The following ZKSCAN2 variants were observed in gnomAD, a reference collection of about 807,000 sequenced individuals.
The protein encoded by ZKSCAN2 is zinc finger protein with KRAB and SCAN domains 2.
In ZKSCAN2, 38 loss-of-function variants were observed where a neutral mutation model predicts 90.5. That is an observed-to-expected ratio of 0.42 (90% CI 0.32 to 0.55). The LOEUF is 0.55. Ranked by LOEUF, ZKSCAN2 falls within the 20% of genes least tolerant of loss-of-function variation. The probability of loss-of-function intolerance (pLI) is 0.11; values close to 1 mark genes in which losing one functional copy is unlikely to be tolerated. For missense variants in ZKSCAN2, 1,167 were observed against 1,202.6 expected (o/e 0.97, Z 0.44); for synonymous variants, 429 against 421.6 (o/e 1.02, Z -0.22).
chr16:25,256,958 G>C lies in ZKSCAN2; in HGVS notation c.170C>G (p.Thr57Ser). The C allele has an allele frequency of 6.2e-7, 1 of 1,614,262 alleles. No individual in the cohort carries two copies. Among genetic ancestry groups the C allele is most frequent in the Non-Finnish European group, 8.5e-7 (1 of 1,180,044 alleles). ...CFRQFCYEDV[T>S]GPHEAFSKLW... ...TTTACTGAAAGCTTCATGGGGTCCA[G>C]TCACATCCTCATAACAGAATTGCCT... Residue 57 changes from threonine to serine, a missense_variant, in exon 1 of 7, where the codon ACT becomes AGT. By Grantham distance (58) the Thr-to-Ser change is moderately conservative. Transcript: ENST00000328086.
chr16:25,255,440 T>C (rs971201464), intron 1 of ZKSCAN2, 48 bp from the exon 2 acceptor site: 34 of 1,557,176 alleles, frequency 2.2e-5, no homozygotes, highest in Middle Eastern at 2.3e-4. Context: ...CAGGCCCATA[T>C]CAGGGCGAAA....
intron 4 of ZKSCAN2, 66 bp from the exon 5 acceptor site, chr16:25,247,456 C>G: frequency 7.2e-7 from 1 of 1,394,156 alleles, no homozygotes; most frequent in Middle Eastern, 2.2e-4. Flanking sequence ...CAATCTTCTG[C>G]TGTCACATGC....
At position 25,255,207 on chromosome 16, in the gene ZKSCAN2, A is replaced by T; in HGVS notation, c.585T>A (p.Asn195Lys). ...CGTGCTCCGAGTCTTCCCTCTTACC[A>T]TTCTTGGGTAAGGGCCGACGTTCTC... is the stretch of plus-strand genomic sequence containing the variant. ...RKRERRPLPK[N>K]ARPSPWVPAL... The change falls in exon 2 of 7, where the codon AAT becomes AAA. Residue 195 changes from asparagine (N) to lysine (K), a missense_variant and splice_region_variant. Physicochemically the swap from Asn to Lys is moderately conservative, Grantham distance 94. Coordinates refer to ENST00000328086, the MANE Select transcript of ZKSCAN2 (RefSeq NM_001012981.5). 3 of 1,599,824 alleles carry T rather than the reference A, an allele frequency of 1.9e-6. No homozygotes were observed. The highest frequency in any genetic ancestry group is 2.6e-6 in the Non-Finnish European group (3 of 1,175,536).
At chr16:25,249,842 A>G (rs1270427000) in intron 4 of ZKSCAN2, among the ~76,000 whole-genome samples, 3 of 152,234 alleles carry the variant, frequency 2.0e-5, no homozygotes, top group Admixed American at 1.3e-4. Context: ...CACTTATGGT[A>G]CATATCCCAA....
intron 2 of ZKSCAN2, among the ~76,000 whole-genome samples, chr16:25,253,698 C>T (rs1423079582): frequency 6.6e-6 from 1 of 152,208 alleles, no homozygotes; most frequent in Non-Finnish European, 1.5e-5. Flanking sequence ...CACAAATAGC[C>T]TTGCTATTTC....
intron 6 of ZKSCAN2, 21 bp from the exon 7 acceptor site, chr16:25,240,759 A>T: frequency 6.3e-7 from 1 of 1,597,272 alleles, no homozygotes; most frequent in Non-Finnish European, 8.6e-7. Flanking sequence ...GAAAGACAAT[A>T]CAAATTTTAT....
In ZKSCAN2 at chr16:25,240,593, G is replaced by A. The variant is rs368835115; in HGVS notation, c.2127C>T (p.Ile709=). The A allele has an allele frequency of 2.5e-6, 4 of 1,614,050 alleles. No individual in the cohort carries two copies. The highest frequency in any genetic ancestry group is 2.7e-5 in the African/African-American group (2 of 74,910). ...GAAGATTTTCCCATTGTCTTCCTGA[G>A]ATGCATTCCCTTTTGCGATATTTGC... The part of the protein sequence containing the change: ...DPSKYRKREC[I]SGRQWENLQG... Residue 709 remains isoleucine, a synonymous_variant, in exon 7 of 7, where the codon ATC becomes ATT. Coordinates refer to ENST00000328086, the MANE Select transcript of ZKSCAN2 (RefSeq NM_001012981.5).
chr16:25,254,957 C>A (rs185486491), intron 2 of ZKSCAN2, among the ~76,000 whole-genome samples: 1,840 of 148,964 alleles, frequency 0.012, 43 homozygotes, highest in African/African-American at 0.042. Flanking sequence ...ACACACCTGG[C>A]TAATATTTTT....
intron 2 of ZKSCAN2, 137 bp from the exon 3 acceptor site, chr16:25,253,174 ATCCCC>A: frequency 1.4e-6 from 1 of 719,360 alleles, no homozygotes; most frequent in Non-Finnish European, 2.4e-6. Context: ...GTTCAGAACA[ATCCCC>A]AAAAACACAG....
At chr16:25,241,779 A>G (rs1030981961) in intron 6 of ZKSCAN2, among the ~76,000 whole-genome samples, 2 of 152,228 alleles carry the variant, frequency 1.3e-5, no homozygotes, top group African/African-American at 4.8e-5. Flanking sequence ...GAAACCACAG[A>G]TAACTCTCAA....
rs144470614 is a variant in ZKSCAN2 at position 25,244,047 on chromosome 16, G to C, written c.1719C>G (p.Cys573Trp). 1 of 1,614,172 alleles carries C rather than the reference G, an allele frequency of 6.2e-7. No homozygotes were observed. Among genetic ancestry groups the C allele is most frequent in the South Asian group, 1.1e-5 (1 of 91,082 alleles). Residue 573 changes from cysteine (C) to tryptophan (W), a missense_variant, in exon 6 of 7, where the codon TGC (cysteine) becomes TGG (tryptophan). Transcript: ENST00000328086. ...GGGCATCCATCTCCTTGTAGAACGC[G>C]CAGGACTCTAGCACGTGGCCATTTT... ...KVKNGHVLESCAFYKEMDALI... is the reference protein window; with the variant it reads ...KVKNGHVLESWAFYKEMDALI...
At chr16:25,250,315 AAAG>A (rs1411061813) in intron 4 of ZKSCAN2, among the ~76,000 whole-genome samples, 2 of 152,134 alleles carry the variant, frequency 1.3e-5, no homozygotes, top group Non-Finnish European at 2.9e-5. Context: ...TCAAAAAAAA[AAAG>A]AAGGAAATCC....
chr16:25,247,108 G>GT lies in ZKSCAN2; in HGVS notation c.1087dup (p.Thr363AsnfsTer9), dbSNP rs776033398. ...GCTATTTCGGGGACAGGCCTGAAGT[G>GT]TTTCATAAAAGCGAGACTCTTTGAG... On this transcript the variant is annotated frameshift_variant, in exon 5 of 7. Transcript: ENST00000328086. LOFTEE classifies it high-confidence loss of function. 3.1e-6 allele frequency: 5 copies of GT among 1,614,090 alleles called. No homozygotes were observed. The highest frequency in any genetic ancestry group is 4.2e-6 in the Non-Finnish European group (5 of 1,180,050).
chr16:25,237,412 A>T lies in ZKSCAN2; in HGVS notation c.*2404T>A, dbSNP rs1330738925. On this transcript the variant is annotated 3_prime_UTR_variant, in exon 7 of 7. Transcript: ENST00000328086. ...ATTCCACCTCAGCTTGCTCCCAGGC[A>T]TATGAGAGTTAAACAGAATCAGTTT... 6.6e-6 allele frequency: 1 copy of T among 152,208 alleles called. No individual in the cohort carries two copies. Among genetic ancestry groups the T allele is most frequent in the Non-Finnish European group, 1.5e-5 (1 of 68,056 alleles). The allele number at this position is 152,208 out of a possible 1,614,324, so 9.4% of individuals were successfully genotyped here. A position where few individuals can be genotyped will look rare whatever the true frequency, so the allele number is the denominator to read the frequency against.
rs1019957507 is a variant in ZKSCAN2, at chr16:25,257,619, G to A, written c.-492C>T. ...CACCGCAGCACGTCCAGGCCGCCGC[G>A]GGTGCCGCTGGGGCCGCCGGATTCC... is the stretch of plus-strand genomic sequence containing the variant. On this transcript the variant is annotated 5_prime_UTR_variant, in exon 1 of 7. Coordinates refer to ENST00000328086, the MANE Select transcript of ZKSCAN2 (RefSeq NM_001012981.5). 4.7e-5 allele frequency: 27 copies of A among 569,362 alleles called. No individual in the cohort carries two copies. In the South Asian group the frequency reaches 6.1e-4, roughly 13 times the overall value. 35.3% of individuals were successfully genotyped at this position (569,362 alleles called of 1,614,324 possible).
At chr16:25,248,493 G>T (rs1383876244) in intron 4 of ZKSCAN2, among the ~76,000 whole-genome samples, 1 of 152,012 alleles carries the variant, frequency 6.6e-6, no homozygotes, top group Non-Finnish European at 1.5e-5. Flanking sequence ...ATAAGCCAAG[G>T]ATATGAATGG....
At chr16:25,254,742 A>G (rs1030150295) in intron 2 of ZKSCAN2, among the ~76,000 whole-genome samples, 8 of 150,358 alleles carry the variant, frequency 5.3e-5, no homozygotes, top group African/African-American at 1.7e-4. Flanking sequence ...AGAGTTTACC[A>G]CCACAGGATC....
Position 25,257,530 on chromosome 16 carries a change from G to A in ZKSCAN2, c.-403C>T, listed in dbSNP as rs1963128836. ...ACTCCCGGGTCGGGCGCGGAGAGGC[G>A]AGTCCCCGAGTGGGTGGGGCCGGAT... On this transcript the variant is annotated 5_prime_UTR_variant, in exon 1 of 7. Coordinates refer to ENST00000328086, the MANE Select transcript of ZKSCAN2 (RefSeq NM_001012981.5). 4.0e-6 allele frequency: 4 copies of A among 989,608 alleles called. No homozygotes were observed. Among genetic ancestry groups the A allele is most frequent in the Non-Finnish European group, 3.6e-6 (3 of 832,964 alleles). 61.3% of individuals were successfully genotyped at this position (989,608 alleles called of 1,614,324 possible). A position where few individuals can be genotyped will look rare whatever the true frequency, so the allele number is the denominator to read the frequency against.
At position 25,239,293 on chromosome 16, in the gene ZKSCAN2, G is replaced by A. The variant is rs1474814318; in HGVS notation, c.*523C>T. 6.6e-6 allele frequency: 1 copy of A among 151,360 alleles called. No individual in the cohort carries two copies. The highest frequency in any genetic ancestry group is 1.5e-5 in the Non-Finnish European group (1 of 68,022). 9.4% of individuals were successfully genotyped at this position (151,360 alleles called of 1,614,324 possible). A position where few individuals can be genotyped will look rare whatever the true frequency, so the allele number is the denominator to read the frequency against. ...AAAAAAAAAAAGGTACACTGTAACA[G>A]ACTTCTGAGGAAAGCTATAAAATCT... is the stretch of plus-strand genomic sequence containing the variant. On this transcript the variant is annotated 3_prime_UTR_variant, in exon 7 of 7. Transcript: ENST00000328086.
Sources: gnomAD v4.1 joint callset for allele counts (sites outside exome capture counted in the v4.1 genomes callset) on GRCh38, gnomAD v4.1.1 for gene constraint, MANE v1.5 for transcripts, NCBI Gene and HGNC (gene_info 2026-07-23, HGNC 2026-07-21) for gene names.